The following POT1 variants were observed in gnomAD, a reference collection of about 807,000 sequenced individuals.
The protein encoded by POT1 is protection of telomeres protein 1.
Under a neutral mutation model 78.5 loss-of-function variants are expected in POT1, and 47 were observed. The ratio of observed to expected loss-of-function variants is 0.60; its 90% CI spans 0.47 to 0.76. The LOEUF (loss-of-function observed/expected upper bound fraction) is 0.76. Among genes scored for constraint, POT1 ranks in the 30% least tolerant of loss-of-function variants. The pLI, the probability that POT1 is intolerant of heterozygous loss-of-function variation, is 0.00. For synonymous variants in POT1, 259 were observed against 260.7 expected (o/e 0.99, Z 0.06); for missense variants, 646 against 749.9 (o/e 0.86, Z 1.62).
intron 9 of POT1, among the ~76,000 whole-genome samples, chr7:124,854,224 C>T (rs917479555): frequency 5.9e-5 from 9 of 151,836 alleles, no homozygotes; most frequent in African/African-American, 1.7e-4. Flanking sequence ...AGTCTAAAAA[C>T]GAAATTCATT....
At chr7:124,825,411 A>G in intron 17 of POT1, 54 bp from the exon 18 acceptor site, 1 of 1,091,702 alleles carries the variant, frequency 9.2e-7, no homozygotes, top group South Asian at 1.5e-5. Flanking sequence ...ATCCTTTTTA[A>G]TGTTATTATT....
rs149339658 is a variant in POT1 at position 124,922,689 on chromosome 7, A to T, written c.-227+6126T>A. Among the ~76,000 whole-genome samples the T allele has an allele frequency of 5.0e-3, 762 of 152,102 alleles. 9 individuals carry two copies. The highest frequency in any genetic ancestry group is 0.017 in the African/African-American group (699 of 41,546). ...ATGGTGAAAATAAAATAGAATAAAA[A>T]ATATTTAACCCAAAAGAACTCAGGA... On this transcript the variant is annotated intron_variant, in intron 2 of 18. Transcript: ENST00000357628.
At chr7:124,868,748 A>G (rs1795792726) in intron 7 of POT1, among the ~76,000 whole-genome samples, 1 of 149,852 alleles carries the variant, frequency 6.7e-6, no homozygotes, top group Admixed American at 6.7e-5. Context: ...ATATAATTCA[A>G]TATATAAATA....
chr7:124,829,041 G>C, intron 16 of POT1: 2 of 745,168 alleles, frequency 2.7e-6, no homozygotes, highest in South Asian at 2.7e-5. Context: ...AAGGCATAGG[G>C]GAAAGTATGT....
intron 9 of POT1, among the ~76,000 whole-genome samples, chr7:124,856,195 CG>C (rs1795442767): frequency 6.6e-6 from 1 of 152,022 alleles, no homozygotes; most frequent in African/African-American, 2.4e-5. Context: ...GACACAAAAA[CG>C]TAATTTTAAA....
At chr7:124,871,731 A>ATTTT (rs5887205) in intron 6 of POT1, among the ~76,000 whole-genome samples, 111 of 145,006 alleles carry the variant, frequency 7.7e-4, no homozygotes, top group African/African-American at 2.1e-3. Context: ...CTGCCTTAAA[A>ATTTT]TTTTTTTTTT....
intron 2 of POT1, among the ~76,000 whole-genome samples, chr7:124,923,046 T>C (rs568639891): frequency 4.7e-5 from 7 of 147,800 alleles, no homozygotes; most frequent in Non-Finnish European, 7.6e-5. Flanking sequence ...TCAAAAAAAA[T>C]AGAACAAGCA....
At chr7:124,850,913 A>C (rs77304211) in intron 11 of POT1, among the ~76,000 whole-genome samples, 2,727 of 151,484 alleles carry the variant, frequency 0.018, 78 homozygotes, top group African/African-American at 0.062. Flanking sequence ...TAGAAAAAAA[A>C]AAAAACAACA....
chr7:124,892,115 T>C (rs1206731958), intron 6 of POT1, 151 bp downstream of exon 6: 2 of 498,758 alleles, frequency 4.0e-6, no homozygotes, highest in Non-Finnish European at 3.6e-6. Flanking sequence ...TTTTACAAAT[T>C]AAACTAGCCA....
chr7:124,877,534 C>T (rs1796017499), intron 6 of POT1, among the ~76,000 whole-genome samples: 1 of 151,312 alleles, frequency 6.6e-6, no homozygotes, highest in South Asian at 2.1e-4. Flanking sequence ...AAGGAGAGGT[C>T]CATTAAAAAA....
chr7:124,840,569 CTTT>C (rs200739900), intron 14 of POT1: 2,829 of 152,490 alleles, frequency 0.019, 47 homozygotes, highest in Middle Eastern at 0.034. Flanking sequence ...ATGGTCTCTT[CTTT>C]GATTTTGATA....
intron 5 of POT1, chr7:124,892,949 G>A (rs1318393118): frequency 6.6e-6 from 1 of 151,296 alleles, no homozygotes; most frequent in Non-Finnish European, 1.5e-5. Flanking sequence ...TAAATGACTA[G>A]GCATAAAGAG....
At chr7:124,917,976 A>T (rs893610714) in intron 2 of POT1, among the ~76,000 whole-genome samples, 10 of 151,826 alleles carry the variant, frequency 6.6e-5, no homozygotes, top group Non-Finnish European at 5.9e-5. Context: ...AACTCCAGGA[A>T]CCTCCTTTCC....
rs764943552 is a variant in POT1, at chr7:124,859,061, C to T, written c.598G>A (p.Asp200Asn). 4 of 1,610,768 alleles carry T rather than the reference C, an allele frequency of 2.5e-6. No individual in the cohort carries two copies. Among genetic ancestry groups the T allele is most frequent in the Non-Finnish European group, 3.4e-6 (4 of 1,177,788 alleles). Residue 200 changes from aspartate (D) to asparagine (N), a missense_variant, in exon 9 of 19, where the codon GAC (aspartate) becomes AAC (asparagine). Physicochemically the swap from Asp to Asn is conservative, Grantham distance 23. This residue lies in a region of POT1 where 252 missense variants were observed against 341.4 expected (regional missense o/e 0.74). Coordinates refer to ENST00000357628, the MANE Select transcript of POT1 (RefSeq NM_015450.3). ...PFPSWRVLIQ[D>N]LVLEGDLSHI... The stretch of plus-strand genomic sequence containing the variant: ...CTTAAATCACCTTCAAGAACAAGGT[C>T]TTGTATTAAGACTCTCCAAGATGGA...
chr7:124,866,928 G>A (rs1795740669), intron 7 of POT1, among the ~76,000 whole-genome samples: 1 of 152,142 alleles, frequency 6.6e-6, no homozygotes, highest in Non-Finnish European at 1.5e-5. Flanking sequence ...TTTTAAATGG[G>A]TTCTACTTGA....
chr7:124,928,116 T>G lies in POT1; in HGVS notation c.-227+699A>C, dbSNP rs188889135. 1.7e-3 allele frequency among the ~76,000 whole-genome samples: 252 copies of G among 152,216 alleles called. 2 individuals carry two copies. Among genetic ancestry groups the G allele is most frequent in the Non-Finnish European group, 2.8e-3 (189 of 68,004 alleles). The stretch of plus-strand genomic sequence containing the variant: ...AAAATGCAATGAATGTTAACTTTAG[T>G]TATTATTATTACTATCTTTTTTCAA... On this transcript the variant is annotated intron_variant, in intron 2 of 18. Transcript: ENST00000357628.
chr7:124,853,768 T>C (rs963314584), intron 9 of POT1, among the ~76,000 whole-genome samples: 11 of 152,110 alleles, frequency 7.2e-5, no homozygotes, highest in African/African-American at 2.7e-4. Context: ...TGTTCTATAG[T>C]TAATCTCAGA....
rs118019573 is a variant in POT1 at position 124,887,048 on chromosome 7, C to T, written c.124+5218G>A. ...ATTCAACCAGGTAAAACTTCAAATT[C>T]GAAGAGGATCATAGTGATTACATCT... On this transcript the variant is annotated intron_variant, in intron 6 of 18. Transcript: ENST00000357628. 5.4e-3 allele frequency among the ~76,000 whole-genome samples: 828 copies of T among 152,032 alleles called. 4 individuals are homozygous for T. Among genetic ancestry groups the T allele is most frequent in the Non-Finnish European group, 8.6e-3 (585 of 67,946 alleles).
rs2116526713 is a variant in POT1 at position 124,859,106 on chromosome 7, C to A, written c.553G>T (p.Asp185Tyr). 1 of 1,585,774 alleles carries A rather than the reference C, an allele frequency of 6.3e-7. No homozygotes were observed. The highest frequency in any genetic ancestry group is 1.7e-5 in the Admixed American group (1 of 57,842). The change falls in exon 9 of 19, where the codon GAT becomes TAT. Residue 185 changes from aspartate to tyrosine, a missense_variant. Physicochemically the swap from Asp to Tyr is radical, Grantham distance 160. This residue lies in a region of POT1 where 252 missense variants were observed against 341.4 expected (regional missense o/e 0.74). Coordinates refer to ENST00000357628, the MANE Select transcript of POT1 (RefSeq NM_015450.3). The part of the protein sequence containing the change: ...DGASFLLKVW[D>Y]GTRTPFPSWR... The stretch of plus-strand genomic sequence containing the variant: ...GATGGAAATGGTGTCCTGGTGCCAT[C>A]CCATACCTGCCATAAGAGAGTAGAG...
Sources: gnomAD v4.1 joint callset for allele counts (sites outside exome capture counted in the v4.1 genomes callset) on GRCh38, gnomAD v4.1.1 for gene constraint, gnomAD v4.1.1 regional missense constraint, MANE v1.5 for transcripts, NCBI Gene and HGNC (gene_info 2026-07-23, HGNC 2026-07-21) for gene names.